The following NIPBL variants were observed in gnomAD, a reference collection of about 807,000 sequenced individuals.
NIPBL encodes the protein nipped-B-like protein.
A neutral mutation model predicts 321.8 loss-of-function variants in NIPBL; 19 were observed. The observed-to-expected ratio is 0.06, with a 90% CI of 0.04 to 0.09. The LOEUF (loss-of-function observed/expected upper bound fraction) is 0.09. Ranked by LOEUF, NIPBL falls within the 10% of genes least tolerant of loss-of-function variation. The pLI, the probability that NIPBL is intolerant of heterozygous loss-of-function variation, is 1.00. For synonymous variants in NIPBL, 1,106 were observed against 1,114.1 expected (o/e 0.99, Z 0.14); for missense variants, 2,210 against 3,327.0 (o/e 0.66, Z 8.26).
intron 9 of NIPBL, among the ~76,000 whole-genome samples, chr5:36,983,480 C>T (rs1361587777): frequency 6.6e-6 from 1 of 151,894 alleles, no homozygotes; most frequent in Non-Finnish European, 1.5e-5. Flanking sequence ...AATAAGGAGC[C>T]ATTTTTCAGT....
intron 1 of NIPBL, among the ~76,000 whole-genome samples, chr5:36,878,383 C>T (rs192794959): frequency 5.5e-4 from 84 of 152,218 alleles, no homozygotes; most frequent in Admixed American, 3.5e-3. Flanking sequence ...TTAAGTGTTT[C>T]GAGCTTGTTT....
At chr5:36,917,516 T>C (rs1748564703) in intron 1 of NIPBL, among the ~76,000 whole-genome samples, 1 of 152,202 alleles carries the variant, frequency 6.6e-6, no homozygotes, top group African/African-American at 2.4e-5. Flanking sequence ...TTTTGGCTTT[T>C]GTTGCCATTG....
chr5:36,881,125 G>T (rs558711774), intron 1 of NIPBL, among the ~76,000 whole-genome samples: 1 of 151,904 alleles, frequency 6.6e-6, no homozygotes, highest in Non-Finnish European at 1.5e-5. Context: ...TATTTTCCTG[G>T]TATGAAAATA....
chr5:36,945,634 G>A (rs1487769255), intron 1 of NIPBL, among the ~76,000 whole-genome samples: 2 of 152,178 alleles, frequency 1.3e-5, no homozygotes, highest in Non-Finnish European at 2.9e-5. Context: ...TCTGAAGAGA[G>A]TTTTAGAACT....
chr5:36,974,599 G>A (rs1237792517), intron 8 of NIPBL, among the ~76,000 whole-genome samples: 1 of 152,134 alleles, frequency 6.6e-6, no homozygotes, highest in Non-Finnish European at 1.5e-5. Context: ...GAATTGATAT[G>A]TAAAGCACCT....
At chr5:37,048,787 T>A in intron 39 of NIPBL, 112 bp downstream of exon 39, 1 of 894,706 alleles carries the variant, frequency 1.1e-6, no homozygotes, top group African/African-American at 1.7e-5. Flanking sequence ...GAAATTCAGT[T>A]AAATAGCAGT....
Position 37,000,578 on chromosome 5 carries a change from A to G in NIPBL, c.3502+8A>G. The stretch of plus-strand genomic sequence containing the variant: ...CTCCCAGCCTTAGTGAGGGTAATTC[A>G]TCAGTGTCAACGGATTTCTTACATA... On this transcript the variant is annotated splice_region_variant and intron_variant, in intron 12 of 46. Transcript: ENST00000282516. 2.5e-6 allele frequency: 4 copies of G among 1,612,590 alleles called. No individual in the cohort carries two copies. Among genetic ancestry groups the G allele is most frequent in the Non-Finnish European group, 3.4e-6 (4 of 1,178,872 alleles).
chr5:36,884,289 A>G (rs1023465745), intron 1 of NIPBL, among the ~76,000 whole-genome samples: 3 of 152,056 alleles, frequency 2.0e-5, no homozygotes, highest in African/African-American at 7.2e-5. Flanking sequence ...CCCTGATGAA[A>G]CCCAGAGCAG....
chr5:37,037,409 G>GTATATA (rs759202070), intron 33 of NIPBL, among the ~76,000 whole-genome samples: 1 of 140,240 alleles, frequency 7.1e-6, no homozygotes, highest in Non-Finnish European at 1.5e-5. Context: ...ATATATATAT[G>GTATATA]TATATATATA....
chr5:36,989,296 C>A (rs1745197843), intron 10 of NIPBL, among the ~76,000 whole-genome samples: 1 of 152,066 alleles, frequency 6.6e-6, no homozygotes, highest in South Asian at 2.1e-4. Flanking sequence ...TTGATCTATA[C>A]TGGGATTAAT....
intron 27 of NIPBL, among the ~76,000 whole-genome samples, chr5:37,021,104 AC>A (rs1749579471): frequency 6.6e-6 from 1 of 152,152 alleles, no homozygotes; most frequent in African/African-American, 2.4e-5. Context: ...TTCGAGACCA[AC>A]CTGACCAACA....
chr5:37,024,828 C>T (rs868685604), intron 30 of NIPBL, 109 bp downstream of exon 30: 8 of 831,248 alleles, frequency 9.6e-6, no homozygotes, highest in Admixed American at 6.0e-5. Flanking sequence ...TACAATGAAT[C>T]GTTTATAGTT....
intron 1 of NIPBL, among the ~76,000 whole-genome samples, chr5:36,950,579 AC>A (rs1170363760): frequency 6.6e-6 from 1 of 151,998 alleles, no homozygotes; most frequent in Non-Finnish European, 1.5e-5. Context: ...TCAGTGTTCA[AC>A]CCACTAAATT....
At chr5:36,984,642 A>C (rs538225665) in intron 9 of NIPBL, 34 bp from the exon 10 acceptor site, 1 of 1,555,934 alleles carries the variant, frequency 6.4e-7, no homozygotes, top group East Asian at 2.2e-5. Flanking sequence ...ATACATGTCT[A>C]TTACTGATAT....
chr5:36,877,203 C>T (rs923784924), intron 1 of NIPBL, 25 bp downstream of exon 1: 46 of 193,800 alleles, frequency 2.4e-4, no homozygotes, highest in Admixed American at 4.3e-4. Flanking sequence ...TTTATTTCGG[C>T]GGCGGCGGCG....
chr5:36,933,235 T>C (rs1210614153), intron 1 of NIPBL, among the ~76,000 whole-genome samples: 2 of 152,144 alleles, frequency 1.3e-5, no homozygotes, highest in Non-Finnish European at 2.9e-5. Flanking sequence ...AGCAGTGTCA[T>C]ATTGAATTCT....
Position 37,048,581 on chromosome 5 carries a change from G to T in NIPBL, c.6669G>T (p.Lys2223Asn), listed in dbSNP as rs1270898976. 1.9e-6 allele frequency: 3 copies of T among 1,596,036 alleles called. No individual in the cohort carries two copies. The African/African-American group carries it at 4.0e-5, about 21-fold the overall frequency. Residue 2223 changes from lysine (K) to asparagine (N), a missense_variant, in exon 39 of 47, where the codon AAG becomes AAT. Lys to Asn is a moderately conservative substitution (Grantham distance 94). Coordinates refer to ENST00000282516, the MANE Select transcript of NIPBL (RefSeq NM_133433.4). ...KNLYNNILSD[K>N]NSSVNLKIQV... Reference sequence around the variant, plus strand: ...TATATAATAATATTTTATCTGATAAGAACTCCTCAGTCAATTTAAAAATAC... The same window carrying T: ...TATATAATAATATTTTATCTGATAATAACTCCTCAGTCAATTTAAAAATAC...
chr5:37,047,601 A>G (rs1209769719), intron 38 of NIPBL, among the ~76,000 whole-genome samples: 1 of 152,206 alleles, frequency 6.6e-6, no homozygotes, highest in Non-Finnish European at 1.5e-5. Context: ...GGCAAAACTA[A>G]TAGTGTTACA....
intron 32 of NIPBL, among the ~76,000 whole-genome samples, chr5:37,034,082 G>A (rs1207136381): frequency 6.6e-6 from 1 of 151,804 alleles, no homozygotes; most frequent in Admixed American, 6.6e-5. Flanking sequence ...AGAAAAATAG[G>A]TAAAGTTAAT....
Sources: allele counts gnomAD v4.1 joint callset (sites outside exome capture counted in the v4.1 genomes callset), GRCh38; gene constraint gnomAD v4.1.1; transcripts MANE v1.5; gene names NCBI Gene and HGNC (gene_info 2026-07-23, HGNC 2026-07-21).